Variants in CNIH3 observed in about 807,000 individuals in gnomAD.
CNIH3 encodes the protein cornichon family AMPA receptor auxiliary protein 3, also known as protein cornichon homolog 3.
A neutral mutation model predicts 24.1 loss-of-function variants in CNIH3; 14 were observed. That is an observed-to-expected ratio of 0.58 (90% CI 0.38 to 0.91). The LOEUF is 0.91. Among genes scored for constraint, CNIH3 ranks in the 40% least tolerant of loss-of-function variants. The pLI is 0.00. For missense variants in CNIH3, 178 were observed against 196.8 expected, an observed-to-expected ratio of 0.90 and a Z score of 0.57; for synonymous variants, 68 against 73.8, an observed-to-expected ratio of 0.92 and a Z score of 0.40.
intron 1 of CNIH3, among the ~76,000 whole-genome samples, chr1:224,450,000 ACACG>A (rs1409893060): frequency 1.3e-5 from 2 of 151,360 alleles, no homozygotes; most frequent in Admixed American, 6.6e-5. Flanking sequence ...CACACATTAT[ACACG>A]CACACACACA....
chr1:224,722,816 C>A (rs1452508599), intron 3 of CNIH3, among the ~76,000 whole-genome samples: 2 of 152,192 alleles, frequency 1.3e-5, no homozygotes, highest in Non-Finnish European at 2.9e-5. Flanking sequence ...TAGAGCAGGG[C>A]ACTAGGCCCA....
At chr1:224,586,384 T>C (rs1444376650) in intron 5 of CNIH3, among the ~76,000 whole-genome samples, 4 of 152,178 alleles carry the variant, frequency 2.6e-5, no homozygotes, top group Non-Finnish European at 5.9e-5. Context: ...AAACTCCCCT[T>C]TTTAAAACCA....
chr1:224,689,845 A>G (rs531257373), intron 3 of CNIH3, among the ~76,000 whole-genome samples: 1 of 152,116 alleles, frequency 6.6e-6, no homozygotes, highest in Non-Finnish European at 1.5e-5. Flanking sequence ...ACTTGTGCTC[A>G]TGATTCATTT....
rs544934163 is a variant in CNIH3, at chr1:224,442,152, G to A, written n.203+7290G>A. 2.0e-5 allele frequency among the ~76,000 whole-genome samples: 3 copies of A among 151,648 alleles called. No individual in the cohort carries two copies. The South Asian group carries it at 6.2e-4, about 32-fold the overall frequency. ...TCCCACCTCAGCCTCCCGAGTAGCT[G>A]GGACCACAGGCATGCACTACCACAC... is the stretch of plus-strand genomic sequence containing the variant. On this transcript the variant is annotated intron_variant and non_coding_transcript_variant, in intron 1 of 5. Transcript: ENST00000471578.
At chr1:224,582,881 A>G (rs1239045119) in intron 4 of CNIH3, among the ~76,000 whole-genome samples, 1 of 152,200 alleles carries the variant, frequency 6.6e-6, no homozygotes, top group Non-Finnish European at 1.5e-5. Flanking sequence ...TCATTATTTC[A>G]GACATCTTTG....
At chr1:224,634,943 T>G (rs1684014732) in intron 1 of CNIH3, among the ~76,000 whole-genome samples, 1 of 152,220 alleles carries the variant, frequency 6.6e-6, no homozygotes, top group Non-Finnish European at 1.5e-5. Context: ...ATAAGTTGTT[T>G]TGCTCCATAA....
At chr1:224,678,554 G>A (rs1168370192) in intron 1 of CNIH3, among the ~76,000 whole-genome samples, 1 of 152,122 alleles carries the variant, frequency 6.6e-6, no homozygotes, top group Non-Finnish European at 1.5e-5. Context: ...GTAAACAATG[G>A]TTGGAGAGAT....
chr1:224,542,086 C>G (rs1044983571), downstream of CNIH3, among the ~76,000 whole-genome samples: 3 of 152,198 alleles, frequency 2.0e-5, no homozygotes, highest in South Asian at 2.1e-4. Flanking sequence ...AAGCCCACAC[C>G]TCCTCCACTT....
intron 1 of CNIH3, among the ~76,000 whole-genome samples, chr1:224,679,974 A>G (rs1486292809): frequency 2.6e-5 from 4 of 151,732 alleles, no homozygotes; most frequent in African/African-American, 7.3e-5. Context: ...ATACCCAGCT[A>G]ATTTTTGTAT....
intron 4 of CNIH3, 185 bp downstream of exon 4, chr1:224,730,759 T>G (rs1689286525): frequency 1.7e-5 from 9 of 534,436 alleles, no homozygotes; most frequent in Non-Finnish European, 3.0e-5. Flanking sequence ...GGAAAGGCCC[T>G]TTTTGTTGGT....
intron 1 of CNIH3, among the ~76,000 whole-genome samples, chr1:224,670,712 G>C (rs1387359814): frequency 1.3e-5 from 2 of 152,132 alleles, no homozygotes; most frequent in Non-Finnish European, 2.9e-5. Context: ...ACTCATGATG[G>C]CTTCTCACAC....
At chr1:224,565,176 AGC>A (rs1192089414) in intron 3 of CNIH3, among the ~76,000 whole-genome samples, 4 of 152,180 alleles carry the variant, frequency 2.6e-5, no homozygotes, top group African/African-American at 7.2e-5. Context: ...TTGCTAGGGT[AGC>A]TGATCTGAGT....
intron 1 of CNIH3, among the ~76,000 whole-genome samples, chr1:224,520,264 C>G (rs1678572482): frequency 6.6e-6 from 1 of 152,182 alleles, no homozygotes; most frequent in African/African-American, 2.4e-5. Flanking sequence ...AAGCCTTACA[C>G]AGAAAGGCTT....
At chr1:224,627,181 G>A (rs1683577852) in intron 1 of CNIH3, among the ~76,000 whole-genome samples, 1 of 152,088 alleles carries the variant, frequency 6.6e-6, no homozygotes, top group African/African-American at 2.4e-5. Flanking sequence ...TCACCTCTTT[G>A]GTAGCCTCAT....
chr1:224,697,764 C>T (rs1687253219), intron 3 of CNIH3, among the ~76,000 whole-genome samples: 1 of 152,204 alleles, frequency 6.6e-6, no homozygotes, highest in Non-Finnish European at 1.5e-5. Flanking sequence ...ATTTCTGGGT[C>T]CTGTTTCTGG....
At chr1:224,599,904 T>A (rs902863488) in intron 3 of CNIH3, among the ~76,000 whole-genome samples, 7 of 152,180 alleles carry the variant, frequency 4.6e-5, no homozygotes, top group African/African-American at 1.7e-4. Flanking sequence ...TTCTAAACTC[T>A]CTTTGCATTA....
chr1:224,700,930 G>A (rs1004222), intron 3 of CNIH3, among the ~76,000 whole-genome samples: 6,191 of 152,346 alleles, frequency 0.041, 188 homozygotes, highest in East Asian at 0.11. Context: ...CACTTGCTGA[G>A]TAGGGCCAAA....
At chr1:224,525,287 T>C (rs1678801512) in intron 2 of CNIH3, among the ~76,000 whole-genome samples, 1 of 152,240 alleles carries the variant, frequency 6.6e-6, no homozygotes, top group Non-Finnish European at 1.5e-5. Context: ...TTTAACTAAA[T>C]GAAAGGAGAG....
In CNIH3 at chr1:224,684,047, C is replaced by T. The variant is rs902780941; in HGVS notation, c.151-749C>T. On this transcript the variant is annotated intron_variant, in intron 2 of 5. Transcript: ENST00000272133. This position sits in a 1 kb window ranked among gnomAD's most constrained non-coding sequence, Gnocchi z 4.2. ...CTCATTACCATTCCATCTACAGCAA[C>T]CAAATTGCCTCAGTAATGAAGCACC... 6.6e-6 allele frequency among the ~76,000 whole-genome samples: 1 copy of T among 152,232 alleles called. No individual in the cohort carries two copies. The highest frequency in any genetic ancestry group is 1.5e-5 in the Non-Finnish European group (1 of 68,036).
Sources: allele counts gnomAD v4.1 joint callset (sites outside exome capture counted in the v4.1 genomes callset), GRCh38; gene constraint gnomAD v4.1.1; non-coding constraint Gnocchi (gnomAD v3.1); transcripts MANE v1.5; gene names NCBI Gene and HGNC (gene_info 2026-07-23, HGNC 2026-07-21).